RERE: variants seen among roughly 807,000 people sequenced by gnomAD.
RERE encodes the protein arginine-glutamic acid dipeptide repeats, also known as arginine-glutamic acid dipeptide repeats protein.
RERE carries 40 observed loss-of-function variants against 146.1 expected under a neutral mutation model. That is an observed-to-expected ratio of 0.27 (90% confidence interval 0.21 to 0.36). The LOEUF (loss-of-function observed/expected upper bound fraction) is 0.36, where lower values mean the gene tolerates loss of function less well. Among genes scored for constraint, RERE ranks in the 10% least tolerant of loss-of-function variants. The probability of loss-of-function intolerance (pLI) is 1.00; values close to 1 mark genes in which losing one functional copy is unlikely to be tolerated. For missense variants in RERE, 1,933 were observed against 2,138.7 expected, an observed-to-expected ratio of 0.90 and a Z score of 1.90; for synonymous variants, 1,003 against 866.0, an observed-to-expected ratio of 1.16 and a Z score of -2.78.
intron 1 of RERE, among the ~76,000 whole-genome samples, chr1:8,676,031 A>G (rs1439998389): frequency 6.6e-6 from 1 of 152,242 alleles, no homozygotes; most frequent in Non-Finnish European, 1.5e-5. Context: ...TAAGGTTTAC[A>G]CTATATATTA....
Position 8,423,771 on chromosome 1 carries a change from G to T in RERE, c.1204-964C>A, listed in dbSNP as rs1643956569. 8.5e-6 allele frequency: 7 copies of T among 824,046 alleles called. No homozygotes were observed. Among genetic ancestry groups the T allele is most frequent in the South Asian group, 1.1e-4 (2 of 18,274 alleles). The allele number at this position is 824,046 out of a possible 1,614,324, so 51.0% of individuals were successfully genotyped here. ...GCGCGGGGCTGGGGCCGCCGCTGAC[G>T]GGGGAGGAGGCAGGAGCGCGGCGCG... On this transcript the variant is annotated intron_variant, in intron 11 of 22. Coordinates refer to ENST00000400908, the MANE Select transcript of RERE (RefSeq NM_001042681.2). This position sits in a 1 kb window ranked among gnomAD's most constrained non-coding sequence, Gnocchi z 5.4.
rs1379803524 is a variant in RERE, at chr1:8,731,800, GTTTGT to G, written c.-144-75364_-144-75360del. On this transcript the variant is annotated intron_variant, in intron 1 of 22. Coordinates refer to ENST00000400908, the MANE Select transcript of RERE (RefSeq NM_001042681.2). ...TGTTTTTTTGTTTGTTTGTTTGTTT[GTTTGT>G]TTTGTTTTGTTTTTTTGAGAAGAGT... Among the ~76,000 whole-genome samples, 525 of 151,416 alleles carry G rather than the reference GTTTGT, an allele frequency of 3.5e-3. 3 individuals are homozygous for G. Among genetic ancestry groups the G allele is most frequent in the African/African-American group, 0.011 (468 of 41,270 alleles).
chr1:8,424,909 A>C (rs759764114), intron 11 of RERE: 1 of 152,568 alleles, frequency 6.6e-6, no homozygotes, highest in Non-Finnish European at 1.5e-5. Context: ...TGGGAACTGC[A>C]AGGAGGACAG....
At chr1:8,793,440 C>A (rs1641405602) in intron 1 of RERE, among the ~76,000 whole-genome samples, 1 of 152,152 alleles carries the variant, frequency 6.6e-6, no homozygotes, top group African/African-American at 2.4e-5. Flanking sequence ...AGTCCCACAA[C>A]AACAAGGCTG....
intron 1 of RERE, among the ~76,000 whole-genome samples, chr1:8,785,139 A>T (rs1241427091): frequency 6.6e-6 from 1 of 152,132 alleles, no homozygotes; most frequent in East Asian, 1.9e-4. Flanking sequence ...AAAATACAAC[A>T]CTGTTTTAAA....
At chr1:8,558,002 T>C (rs1005434419) in intron 4 of RERE, among the ~76,000 whole-genome samples, 1 of 152,172 alleles carries the variant, frequency 6.6e-6, no homozygotes, top group Admixed American at 6.5e-5. Flanking sequence ...CTCCAAGGTT[T>C]GCCTATTACC....
intron 1 of RERE, chr1:8,799,182 T>C (rs1641539137): frequency 6.6e-6 from 1 of 151,990 alleles, no homozygotes; most frequent in South Asian, 2.1e-4. Flanking sequence ...TTAGTAAAGA[T>C]GAGGTTTCAC....
intron 7 of RERE, among the ~76,000 whole-genome samples, chr1:8,528,013 A>G (rs1645591199): frequency 6.6e-6 from 1 of 152,214 alleles, no homozygotes; most frequent in Admixed American, 6.5e-5. Flanking sequence ...TCCTTCAGGG[A>G]CAAGGACACT....
intron 12 of RERE, among the ~76,000 whole-genome samples, chr1:8,372,561 A>G (rs560700580): frequency 5.5e-4 from 68 of 122,688 alleles, no homozygotes; most frequent in African/African-American, 2.0e-3. Context: ...TAAGCCAAAG[A>G]AGGACTCAGT....
intron 7 of RERE, among the ~76,000 whole-genome samples, chr1:8,531,421 C>A (rs1313737835): frequency 2.7e-5 from 4 of 149,830 alleles, no homozygotes; most frequent in African/African-American, 4.9e-5. Flanking sequence ...CCAGCCTGGG[C>A]AACAGAGCGA....
chr1:8,722,271 T>G (rs547061636), intron 1 of RERE, among the ~76,000 whole-genome samples: 1 of 152,340 alleles, frequency 6.6e-6, no homozygotes, highest in Non-Finnish European at 1.5e-5. Flanking sequence ...TACCTTCCCC[T>G]TGGCTATCAA....
At chr1:8,469,150 G>GA (rs372552368) in intron 10 of RERE, among the ~76,000 whole-genome samples, 121 of 147,634 alleles carry the variant, frequency 8.2e-4, no homozygotes, top group African/African-American at 2.2e-3. Context: ...CTTTTAAAAA[G>GA]AAAAAAAAAA....
In RERE at chr1:8,354,510, T is replaced by C. The variant is rs1371274604; in HGVS notation, c.*577A>G. ...GGCTGGAAAAAATAGATCACAATAG[T>C]AGTTTATGGAAGAAAAAAAGGCTGT... On this transcript the variant is annotated 3_prime_UTR_variant, in exon 23 of 23. Coordinates refer to ENST00000400908, the MANE Select transcript of RERE (RefSeq NM_001042681.2). 6.6e-6 allele frequency: 1 copy of C among 152,312 alleles called. No individual in the cohort carries two copies. Among genetic ancestry groups the C allele is most frequent in the South Asian group, 2.1e-4 (1 of 4,830 alleles). The allele number at this position is 152,312 out of a possible 1,614,324, so 9.4% of individuals were successfully genotyped here.
intron 8 of RERE, among the ~76,000 whole-genome samples, chr1:8,507,040 A>G (rs143164405): frequency 3.9e-5 from 6 of 152,326 alleles, no homozygotes; most frequent in Non-Finnish European, 8.8e-5. Context: ...CTGCCTGACC[A>G]GGATGTCATG....
At chr1:8,393,565 G>A (rs1642957164) in intron 12 of RERE, among the ~76,000 whole-genome samples, 1 of 152,142 alleles carries the variant, frequency 6.6e-6, no homozygotes, top group Non-Finnish European at 1.5e-5. Flanking sequence ...GGTGTTTTAA[G>A]AATAATACAC....
intron 11 of RERE, among the ~76,000 whole-genome samples, chr1:8,463,522 C>T (rs1006299621): frequency 2.6e-5 from 4 of 152,154 alleles, no homozygotes; most frequent in African/African-American, 4.8e-5. Context: ...TCAACAGCTG[C>T]CTGATGTTAC....
At chr1:8,514,533 C>CA (rs1645386454) in intron 7 of RERE, among the ~76,000 whole-genome samples, 1 of 152,116 alleles carries the variant, frequency 6.6e-6, no homozygotes, top group Non-Finnish European at 1.5e-5. Context: ...AGTTCGAAAC[C>CA]AGCCTAGTCA....
At chr1:8,730,813 G>A (rs1640064730) in intron 1 of RERE, among the ~76,000 whole-genome samples, 1 of 152,166 alleles carries the variant, frequency 6.6e-6, no homozygotes, top group South Asian at 2.1e-4. Flanking sequence ...GTGAACTGAA[G>A]GACTAACGCT....
At chr1:8,398,508 A>T (rs2124436545) in intron 12 of RERE, among the ~76,000 whole-genome samples, 1 of 152,350 alleles carries the variant, frequency 6.6e-6, no homozygotes, top group Non-Finnish European at 1.5e-5. Flanking sequence ...AACAACGACC[A>T]TCTCTACAAT....
Sources: allele counts gnomAD v4.1 joint callset (sites outside exome capture counted in the v4.1 genomes callset), GRCh38; gene constraint gnomAD v4.1.1; non-coding constraint Gnocchi (gnomAD v3.1); transcripts MANE v1.5; gene names NCBI Gene and HGNC (gene_info 2026-07-23, HGNC 2026-07-21).